The following SGIP1 variants were observed in gnomAD, a reference collection of about 807,000 sequenced individuals.
The protein encoded by SGIP1 is SH3GL interacting endocytic adaptor 1.
Under a neutral mutation model 107.5 loss-of-function variants are expected in SGIP1, and 38 were observed. The ratio of observed to expected loss-of-function variants is 0.35; its 90% CI spans 0.27 to 0.46. SGIP1 has a LOEUF of 0.46. SGIP1 is among the 20% of genes least tolerant of loss of function. The pLI is 1.00. For missense variants in SGIP1, 929 were observed against 1,019.5 expected (o/e 0.91, Z 1.21); for synonymous variants, 365 against 366.1 (o/e 1.00, Z 0.03).
chr1:66,645,452 A>T (rs1361914409), intron 7 of SGIP1, among the ~76,000 whole-genome samples: 1 of 152,196 alleles, frequency 6.6e-6, no homozygotes, highest in Non-Finnish European at 1.5e-5. Flanking sequence ...TGTGGTTAAG[A>T]TTCTGATGAA....
chr1:66,628,983 A>G lies in SGIP1; in HGVS notation c.74+3073A>G, dbSNP rs148969746. On this transcript the variant is annotated intron_variant, in intron 2 of 24. Coordinates refer to ENST00000371037, the MANE Select transcript of SGIP1 (RefSeq NM_032291.4). ...AGCCTTTGCTTTTCATGAACTCCCT[A>G]ATGCTTTCGTGAACTCTGTAATTGG... Among the ~76,000 whole-genome samples the G allele has an allele frequency of 5.4e-3, 817 of 152,316 alleles. 10 individuals carry two copies. Among genetic ancestry groups the G allele is most frequent in the African/African-American group, 0.018 (767 of 41,574 alleles).
chr1:66,693,656 T>A (rs547550901), intron 17 of SGIP1, among the ~76,000 whole-genome samples: 14 of 152,308 alleles, frequency 9.2e-5, no homozygotes, highest in Admixed American at 8.5e-4. Flanking sequence ...AGTACTTTTT[T>A]AAAATCCCAC....
intron 1 of SGIP1, among the ~76,000 whole-genome samples, chr1:66,595,763 T>C (rs72918406): frequency 0.051 from 7,751 of 152,300 alleles, 606 homozygotes; most frequent in African/African-American, 0.17. Context: ...AATACAGATG[T>C]ATACAACAAA....
intron 1 of SGIP1, 121 bp from the exon 2 acceptor site, chr1:66,625,726 C>A: frequency 2.5e-6 from 2 of 790,910 alleles, no homozygotes; most frequent in South Asian, 3.9e-5. Flanking sequence ...CCTTTACATA[C>A]AACTTCAGAA....
At chr1:66,717,828 C>T (rs1455515693) in intron 18 of SGIP1, among the ~76,000 whole-genome samples, 1 of 152,080 alleles carries the variant, frequency 6.6e-6, no homozygotes, top group Non-Finnish European at 1.5e-5. Context: ...ATGTAAAACA[C>T]TTAGTAAGTG....
intron 1 of SGIP1, among the ~76,000 whole-genome samples, chr1:66,535,988 G>T (rs2053511839): frequency 6.6e-6 from 1 of 152,126 alleles, no homozygotes; most frequent in Admixed American, 6.5e-5. Context: ...TTCACTTCTT[G>T]CCTTGCAAAC....
At chr1:66,545,172 G>A (rs1233602754) in intron 1 of SGIP1, among the ~76,000 whole-genome samples, 1 of 152,142 alleles carries the variant, frequency 6.6e-6, no homozygotes, top group Non-Finnish European at 1.5e-5. Flanking sequence ...GCCTTTGATT[G>A]TTTACCATGC....
chr1:66,749,330 C>T lies in SGIP1; in HGVS notation c.*6235C>T, dbSNP rs548699797. On this transcript the variant is annotated 3_prime_UTR_variant, in exon 25 of 25. Transcript: ENST00000371037. ...TAGATCAATGTTGACAGTATTTTTA[C>T]ATCAGCTTGTCAGAAATTATATTAA... Among the ~76,000 whole-genome samples the T allele has an allele frequency of 1.2e-3, 181 of 152,018 alleles. No homozygotes were observed. The highest frequency in any genetic ancestry group is 4.1e-3 in the African/African-American group (172 of 41,522).
intron 9 of SGIP1, among the ~76,000 whole-genome samples, chr1:66,668,938 GTGTGGTCGACA>G (rs2083180624): frequency 6.6e-6 from 1 of 152,220 alleles, no homozygotes; most frequent in South Asian, 2.1e-4. Context: ...AATGTGGTTT[GTGTGGTCGACA>G]TCACCTCAGT....
At chr1:66,672,053 T>C (rs543759198) in intron 11 of SGIP1, 58 bp downstream of exon 11, 9 of 1,516,154 alleles carry the variant, frequency 5.9e-6, no homozygotes, top group Admixed American at 1.7e-5. Context: ...TTTTAACAAT[T>C]AAGCAAATCT....
At chr1:66,700,834 C>G (rs1278363791) in intron 18 of SGIP1, among the ~76,000 whole-genome samples, 1 of 152,092 alleles carries the variant, frequency 6.6e-6, no homozygotes, top group African/African-American at 2.4e-5. Flanking sequence ...CCACTGAGAC[C>G]TCTGTCCTCA....
At chr1:66,627,462 G>T (rs916403168) in intron 2 of SGIP1, among the ~76,000 whole-genome samples, 2 of 152,128 alleles carry the variant, frequency 1.3e-5, no homozygotes, top group Admixed American at 6.6e-5. Flanking sequence ...CAGATAGGAA[G>T]GGCCTTAAGT....
chr1:66,633,291 A>G (rs6701907), intron 3 of SGIP1, among the ~76,000 whole-genome samples, 197 bp downstream of exon 3: 35,320 of 151,948 alleles, frequency 0.23, 4,809 homozygotes, highest in African/African-American at 0.37. Context: ...TATTTATGGC[A>G]TTTACCTAAA....
chr1:66,677,089 C>T lies in SGIP1; in HGVS notation c.732C>T (p.Pro244=). ...MESPKLTRPF[P]TGTPPPLPPK... ...CGCCAAAGTTAACAAGGCCTTTTCC[C>T]ACTGGAAGTAAGTTATGTGTCTGCT... Residue 244 remains proline (P), a synonymous_variant, in exon 13 of 25, where the codon CCC becomes CCT. Transcript: ENST00000371037. 6.2e-7 allele frequency: 1 copy of T among 1,613,376 alleles called. No individual in the cohort carries two copies. Among genetic ancestry groups the T allele is most frequent in the South Asian group, 1.1e-5 (1 of 91,036 alleles).
chr1:66,738,720 GA>G (rs1213194842), intron 21 of SGIP1, among the ~76,000 whole-genome samples: 1 of 152,190 alleles, frequency 6.6e-6, no homozygotes, highest in Non-Finnish European at 1.5e-5. Context: ...GCAAGGCCTT[GA>G]AACCAGGTGT....
chr1:66,635,869 A>C, intron 3 of SGIP1, 75 bp from the exon 4 acceptor site: 1 of 1,449,360 alleles, frequency 6.9e-7, no homozygotes. Context: ...GACTCCATGT[A>C]ATTCTTTATA....
chr1:66,566,649 A>G lies in SGIP1; in HGVS notation c.10+32281A>G, dbSNP rs147562117. Among the ~76,000 whole-genome samples the G allele has an allele frequency of 3.0e-3, 457 of 152,084 alleles. 2 individuals carry two copies. Among genetic ancestry groups the G allele is most frequent in the African/African-American group, 0.01 (431 of 41,520 alleles). ...TAGCTATGAAAATATAGTATAAAACATAGAATGTTTTATTGTTTTTGCCTT... is the reference window on the plus strand; with the variant it reads ...TAGCTATGAAAATATAGTATAAAACGTAGAATGTTTTATTGTTTTTGCCTT... On this transcript the variant is annotated intron_variant, in intron 1 of 24. Transcript: ENST00000371037.
intron 1 of SGIP1, among the ~76,000 whole-genome samples, chr1:66,558,206 G>A (rs2058455664): frequency 6.6e-6 from 1 of 151,954 alleles, no homozygotes; most frequent in South Asian, 2.1e-4. Flanking sequence ...TCTCTCTCTT[G>A]CTCATTTTAC....
At chr1:66,603,742 G>T (rs1164092633) in intron 1 of SGIP1, among the ~76,000 whole-genome samples, 3 of 152,186 alleles carry the variant, frequency 2.0e-5, no homozygotes, top group Non-Finnish European at 2.9e-5. Context: ...CAATCTAAGT[G>T]TGGTTAAGAT....
Sources: allele counts gnomAD v4.1 joint callset (sites outside exome capture counted in the v4.1 genomes callset), GRCh38; gene constraint gnomAD v4.1.1; transcripts MANE v1.5; gene names NCBI Gene and HGNC (gene_info 2026-07-23, HGNC 2026-07-21).